The following PTPRD variants were observed in gnomAD, a reference collection of about 807,000 sequenced individuals.
PTPRD encodes the protein protein tyrosine phosphatase receptor type D.
In PTPRD, 34 loss-of-function variants were observed where a neutral mutation model predicts 214.5. That is an observed-to-expected ratio of 0.16 (90% confidence interval 0.12 to 0.21). PTPRD has a LOEUF of 0.21. Among genes scored for constraint, PTPRD ranks in the 10% least tolerant of loss-of-function variants. PTPRD has a pLI of 1.00. For synonymous variants in PTPRD, 1,128 were observed against 845.7 expected (o/e 1.33, Z -5.79); for missense variants, 2,545 against 2,398.7 (o/e 1.06, Z -1.27).
chr9:9,605,453 T>C (rs918534343), intron 7 of PTPRD, among the ~76,000 whole-genome samples: 2 of 152,000 alleles, frequency 1.3e-5, no homozygotes, highest in Non-Finnish European at 2.9e-5. Context: ...ATATTGTCAC[T>C]ATATCTTTAA....
At chr9:10,080,815 A>G (rs1422706618) in intron 3 of PTPRD, among the ~76,000 whole-genome samples, 1 of 152,138 alleles carries the variant, frequency 6.6e-6, no homozygotes, top group Non-Finnish European at 1.5e-5. Flanking sequence ...CATTTTGAAA[A>G]TTAAATTTCT....
intron 3 of PTPRD, among the ~76,000 whole-genome samples, chr9:10,156,882 C>T (rs1233368104): frequency 6.6e-6 from 1 of 152,108 alleles, no homozygotes; most frequent in Non-Finnish European, 1.5e-5. Context: ...TCTACCATTA[C>T]CTAACACCCT....
intron 11 of PTPRD, among the ~76,000 whole-genome samples, chr9:8,904,557 A>G (rs1372471362): frequency 6.6e-6 from 1 of 151,938 alleles, no homozygotes; most frequent in Non-Finnish European, 1.5e-5. Flanking sequence ...CTGTAGTCCC[A>G]GCTACTCTGG....
chr9:8,338,770 A>G, intron 43 of PTPRD, 152 bp downstream of exon 43: 1 of 584,480 alleles, frequency 1.7e-6, no homozygotes, highest in East Asian at 3.1e-5. Flanking sequence ...ACTCTTACAT[A>G]TTAAACATAA....
At chr9:10,574,803 T>C (rs1327352666) in intron 2 of PTPRD, among the ~76,000 whole-genome samples, 2 of 84,032 alleles carry the variant, frequency 2.4e-5, no homozygotes, top group Non-Finnish European at 4.7e-5. Context: ...ATCAAATAGA[T>C]ATGTGTGTGC....
At chr9:9,065,732 G>A (rs955856999) in intron 10 of PTPRD, among the ~76,000 whole-genome samples, 2 of 152,138 alleles carry the variant, frequency 1.3e-5, no homozygotes, top group East Asian at 1.9e-4. Flanking sequence ...TCCCTCTCAA[G>A]TCAAATTCTC....
At chr9:9,176,181 G>C (rs2099924725) in intron 10 of PTPRD, among the ~76,000 whole-genome samples, 1 of 152,188 alleles carries the variant, frequency 6.6e-6, no homozygotes, top group African/African-American at 2.4e-5. Context: ...AAGGTTGTCA[G>C]CTTGCTGGTC....
intron 11 of PTPRD, among the ~76,000 whole-genome samples, chr9:8,949,352 C>T (rs1057117816): frequency 2.0e-5 from 3 of 151,678 alleles, no homozygotes; most frequent in African/African-American, 7.3e-5. Flanking sequence ...TTAAAGACAA[C>T]ATTTTACCTA....
rs146059190 is a variant in PTPRD, at chr9:9,136,863, G to A, written c.-143+46441C>T. Among the ~76,000 whole-genome samples the A allele has an allele frequency of 6.9e-4, 105 of 152,296 alleles. No homozygotes were observed. In the East Asian group the frequency reaches 0.019, roughly 27 times the overall value. On this transcript the variant is annotated intron_variant, in intron 10 of 45. Coordinates refer to ENST00000381196, the MANE Select transcript of PTPRD (RefSeq NM_002839.4). ...AATAAACCCTATCAGTATTGGAGTT[G>A]TGTATTTCCAATGGGTGAAATGCCT...
chr9:10,553,347 T>C (rs745354410), intron 2 of PTPRD, among the ~76,000 whole-genome samples: 11 of 67,688 alleles, frequency 1.6e-4, no homozygotes, highest in Admixed American at 2.5e-4. Context: ...ACAATCTTTA[T>C]TTTTTTTTTT....
At chr9:9,389,401 T>A (rs1586840366) in intron 9 of PTPRD, among the ~76,000 whole-genome samples, 1 of 152,058 alleles carries the variant, frequency 6.6e-6, no homozygotes, top group Admixed American at 6.6e-5. Flanking sequence ...TCCCAGCTAC[T>A]CGGGAGGCTG....
chr9:8,807,931 A>C (rs959112398), intron 11 of PTPRD, among the ~76,000 whole-genome samples: 1 of 152,230 alleles, frequency 6.6e-6, no homozygotes, highest in Non-Finnish European at 1.5e-5. Flanking sequence ...GCACTAATTC[A>C]GTCTAGTGTA....
At chr9:9,690,189 G>A (rs2097243819) in intron 7 of PTPRD, among the ~76,000 whole-genome samples, 1 of 151,786 alleles carries the variant, frequency 6.6e-6, no homozygotes, top group Admixed American at 6.6e-5. Flanking sequence ...CATTTTAAGT[G>A]GAGTGAAATA....
intron 3 of PTPRD, among the ~76,000 whole-genome samples, chr9:10,211,006 T>C (rs895883021): frequency 6.6e-6 from 1 of 151,190 alleles, no homozygotes; most frequent in Non-Finnish European, 1.5e-5. Context: ...TGTAAATAAA[T>C]AAATGACAAA....
chr9:9,318,198 CAAACAAACAA>C (rs1284546314), intron 9 of PTPRD, among the ~76,000 whole-genome samples: 7 of 141,188 alleles, frequency 5.0e-5, no homozygotes, highest in African/African-American at 1.6e-4. Flanking sequence ...ACAAAACAAA[CAAACAAACAA>C]AAACAAACAA....
intron 37 of PTPRD, among the ~76,000 whole-genome samples, chr9:8,387,294 C>T (rs1206740676): frequency 6.6e-6 from 1 of 152,136 alleles, no homozygotes; most frequent in Non-Finnish European, 1.5e-5. Context: ...GTATTTAAGT[C>T]ACAATGCCTT....
chr9:9,284,841 A>T (rs1948861958), intron 9 of PTPRD, among the ~76,000 whole-genome samples: 1 of 151,780 alleles, frequency 6.6e-6, no homozygotes, highest in South Asian at 2.1e-4. Context: ...CCAAATGTGG[A>T]CAATAATGCT....
intron 35 of PTPRD, among the ~76,000 whole-genome samples, chr9:8,410,712 A>G (rs1166807214): frequency 1.3e-5 from 2 of 152,298 alleles, no homozygotes; most frequent in East Asian, 3.9e-4. Flanking sequence ...ACACAGTTAA[A>G]ATTCTGGCTT....
At chr9:8,845,650 G>T (rs534353864) in intron 11 of PTPRD, among the ~76,000 whole-genome samples, 1 of 152,336 alleles carries the variant, frequency 6.6e-6, no homozygotes, top group South Asian at 2.1e-4. Flanking sequence ...AAATCCTAGT[G>T]TCTAAGTAAC....
Sources: gnomAD v4.1 joint callset for allele counts (sites outside exome capture counted in the v4.1 genomes callset) on GRCh38, gnomAD v4.1.1 for gene constraint, MANE v1.5 for transcripts, NCBI Gene and HGNC (gene_info 2026-07-23, HGNC 2026-07-21) for gene names.